Variants in OR7C1 observed in about 807,000 individuals in gnomAD.
OR7C1 encodes the protein olfactory receptor 7C1.
For synonymous variants in OR7C1, 152 were observed against 160.7 expected (o/e 0.95, Z 0.41); for missense variants, 324 against 383.3 (o/e 0.85, Z 1.29).
chr19:14,807,255 C>T (rs981050314), intron 2 of OR7C1, among the ~76,000 whole-genome samples: 3 of 151,818 alleles, frequency 2.0e-5, no homozygotes, highest in African/African-American at 7.3e-5. Flanking sequence ...TGTTATGGAT[C>T]CTGCTAATCT....
intron 2 of OR7C1, among the ~76,000 whole-genome samples, chr19:14,807,818 C>T (rs994739189): frequency 6.6e-6 from 1 of 151,612 alleles, no homozygotes; most frequent in African/African-American, 2.4e-5. Flanking sequence ...ATGGCGTGAA[C>T]CCAGGAGGCG....
rs528551747 is a variant in OR7C1 at position 14,824,766 on chromosome 19, G to A, written c.-623+10308C>T. 12 of 152,280 alleles carry A rather than the reference G, an allele frequency of 7.9e-5. No homozygotes were observed. In the South Asian group the frequency reaches 2.5e-3, roughly 32 times the overall value. 9.4% of individuals were successfully genotyped at this position (152,280 alleles called of 1,614,324 possible). A position where few individuals can be genotyped will look rare whatever the true frequency, so the allele number is the denominator to read the frequency against. ...AATAATGGGATTTCTGGGTCAAATG[G>A]TAGTTCAACTCAGTTTTTTGAGAAA... On this transcript the variant is annotated intron_variant, in intron 1 of 4. Coordinates refer to ENST00000641666, the Ensembl canonical transcript of OR7C1.
At position 14,802,451 on chromosome 19, in the gene OR7C1, C is replaced by T. The variant is rs148983341; in HGVS notation, c.-434-1687G>A. Reference sequence around the variant, plus strand: ...AGGAGAATCGCTTGAACCTGGGAGGCGGAGGTTGCAGTGAGCCGAGATTGT... The same window carrying T: ...AGGAGAATCGCTTGAACCTGGGAGGTGGAGGTTGCAGTGAGCCGAGATTGT... On this transcript the variant is annotated intron_variant, in intron 2 of 4. Coordinates refer to ENST00000641666, the Ensembl canonical transcript of OR7C1. Among the ~76,000 whole-genome samples the T allele has an allele frequency of 1.6e-3, 247 of 152,218 alleles. 3 individuals are homozygous for T. Among genetic ancestry groups the T allele is most frequent in the African/African-American group, 5.1e-3 (214 of 41,562 alleles).
Position 14,828,124 on chromosome 19 carries a change from G to A in OR7C1, c.-623+6950C>T. ...GCCAGGATGATGAGCAGGTTCCCGA[G>A]CACAGTGACCAGGTACATGGACAGG... On this transcript the variant is annotated intron_variant, in intron 1 of 4. Transcript: ENST00000641666. 3.1e-6 allele frequency: 5 copies of A among 1,614,130 alleles called. No homozygotes were observed. The highest frequency in any genetic ancestry group is 4.2e-6 in the Non-Finnish European group (5 of 1,180,030).
At chr19:14,803,070 G>A (rs2044649202) in intron 2 of OR7C1, among the ~76,000 whole-genome samples, 2 of 152,010 alleles carry the variant, frequency 1.3e-5, no homozygotes, top group Non-Finnish European at 2.9e-5. Flanking sequence ...ACTTTGGGAG[G>A]CTGAGGCAGG....
chr19:14,828,356 C>T (rs934617521), intron 1 of OR7C1: 2 of 1,206,904 alleles, frequency 1.7e-6, no homozygotes, highest in Admixed American at 5.2e-5. Context: ...AATTATCTTA[C>T]ATTTTGTGTA....
chr19:14,802,265 A>G (rs896924642), intron 2 of OR7C1, among the ~76,000 whole-genome samples: 4 of 152,220 alleles, frequency 2.6e-5, no homozygotes, highest in African/African-American at 9.6e-5. Context: ...CACGCCTGTA[A>G]TCCCAGCACT....
In OR7C1 at chr19:14,799,484, TA is replaced by T. The variant is rs1216934333; in HGVS notation, c.652del (p.Tyr218ThrfsTer9). 1 of 1,614,046 alleles carries T rather than the reference TA, an allele frequency of 6.2e-7. No homozygotes were observed. Among genetic ancestry groups the T allele is most frequent in the Middle Eastern group, 1.7e-4 (1 of 6,060 alleles). ...CAGTATAGAGAAAACAATTTTATAG[TA>T]AGAGAAAAATATTCCAGTGAAGGAA... On this transcript the variant is annotated frameshift_variant, in exon 5 of 5. Transcript: ENST00000641666. LOFTEE classifies it low-confidence loss of function (END_TRUNC).
At chr19:14,810,058 A>G (rs1223752093) in intron 1 of OR7C1, 65 bp from the exon 2 acceptor site, 1 of 151,960 alleles carries the variant, frequency 6.6e-6, no homozygotes, top group Non-Finnish European at 1.5e-5. Context: ...TCCTCATTAA[A>G]TAAGTTGTTT....
chr19:14,814,706 T>C (rs980677270), intron 1 of OR7C1, among the ~76,000 whole-genome samples: 15 of 152,158 alleles, frequency 9.9e-5, no homozygotes, highest in Admixed American at 3.3e-4. Context: ...ATTACAGGCG[T>C]AAGCCACCAT....
intron 2 of OR7C1, among the ~76,000 whole-genome samples, chr19:14,803,120 A>G (rs1433081438): frequency 2.0e-5 from 3 of 151,994 alleles, no homozygotes; most frequent in Non-Finnish European, 2.9e-5. Context: ...CAGCCTGGCC[A>G]ACATGGTGAA....
chr19:14,800,959 G>A (rs974643543), intron 2 of OR7C1, among the ~76,000 whole-genome samples, 195 bp from the exon 3 acceptor site: 14 of 152,130 alleles, frequency 9.2e-5, no homozygotes, highest in African/African-American at 3.4e-4. Context: ...TTTCTCTATG[G>A]AGAGAGGTGT....
At chr19:14,817,512 A>G (rs181788178) in intron 1 of OR7C1, among the ~76,000 whole-genome samples, 293 of 152,212 alleles carry the variant, frequency 1.9e-3, no homozygotes, top group Admixed American at 0.017. Flanking sequence ...TAAAATTCAG[A>G]CTTCCATCTG....
At chr19:14,803,695 AAATAAT>A (rs942193705) in intron 2 of OR7C1, among the ~76,000 whole-genome samples, 1 of 151,048 alleles carries the variant, frequency 6.6e-6, no homozygotes, top group Non-Finnish European at 1.5e-5. Context: ...CTATCTACCT[AAATAAT>A]AATAATAATA....
At chr19:14,824,532 C>T (rs1216663962) in intron 1 of OR7C1, 1 of 152,156 alleles carries the variant, frequency 6.6e-6, no homozygotes, top group Non-Finnish European at 1.5e-5. Flanking sequence ...GAGTTCTCTC[C>T]ATGTAGCTAC....
At chr19:14,819,757 G>A (rs888776932) in intron 1 of OR7C1, among the ~76,000 whole-genome samples, 9 of 152,172 alleles carry the variant, frequency 5.9e-5, no homozygotes, top group Non-Finnish European at 1.0e-4. Flanking sequence ...TTTACATACT[G>A]TTGTTTTCTT....
rs143644123 is a variant in OR7C1 at position 14,799,331 on chromosome 19, C to T, written c.806G>A (p.Arg269Lys). Residue 269 changes from arginine to lysine, a missense_variant, in exon 5 of 5, where the codon AGG becomes AAG. Arg to Lys is a conservative substitution (Grantham distance 26). Coordinates refer to ENST00000641666, the Ensembl canonical transcript of OR7C1. ...CATCACTGAGGCCACCAGACTTGTC[C>T]TAGAAGATGGTGTGGCTGCAGAACT... 1.5e-5 allele frequency: 25 copies of T among 1,614,020 alleles called. No homozygotes were observed. The African/African-American group carries it at 3.3e-4, about 22-fold the overall frequency.
At chr19:14,815,168 G>A (rs1359048127) in intron 1 of OR7C1, among the ~76,000 whole-genome samples, 1 of 152,212 alleles carries the variant, frequency 6.6e-6, no homozygotes, top group African/African-American at 2.4e-5. Context: ...GATTGGGCAA[G>A]AGACTGATTG....
intron 2 of OR7C1, among the ~76,000 whole-genome samples, chr19:14,808,053 G>A (rs575317098): frequency 1.2e-4 from 18 of 149,444 alleles, no homozygotes; most frequent in African/African-American, 2.0e-4. Context: ...TTAAAACCAC[G>A]ATGAGATACC....
Sources: gnomAD v4.1 joint callset for allele counts (sites outside exome capture counted in the v4.1 genomes callset) on GRCh38, gnomAD v4.1.1 for gene constraint, MANE v1.5 for transcripts, NCBI Gene and HGNC (gene_info 2026-07-23, HGNC 2026-07-21) for gene names.